The following ULK4 variants were observed in gnomAD, a reference collection of about 807,000 sequenced individuals.
The protein encoded by ULK4 is inactive serine/threonine-protein kinase ULK4.
Under a neutral mutation model 160.6 loss-of-function variants are expected in ULK4, and 133 were observed. The ratio of observed to expected loss-of-function variants is 0.83; its 90% CI spans 0.72 to 0.96. ULK4 has a LOEUF of 0.96. ULK4 is among the 40% of genes least tolerant of loss of function. The pLI is 0.00. For synonymous variants in ULK4, 534 were observed against 539.8 expected, an observed-to-expected ratio of 0.99 and a Z score of 0.15; for missense variants, 1,580 against 1,499.5, an observed-to-expected ratio of 1.05 and a Z score of -0.89.
chr3:41,307,127 A>G (rs1165944072), intron 35 of ULK4, among the ~76,000 whole-genome samples: 1 of 148,434 alleles, frequency 6.7e-6, no homozygotes, highest in Non-Finnish European at 1.5e-5. Flanking sequence ...TGTGAGAAAC[A>G]CCCAAGAATT....
intron 31 of ULK4, among the ~76,000 whole-genome samples, chr3:41,597,986 T>G (rs1018294997): frequency 2.6e-5 from 4 of 152,182 alleles, no homozygotes; most frequent in Non-Finnish European, 4.4e-5. Context: ...CTGAAAAAAC[T>G]CATTTCTAAG....
intron 27 of ULK4, among the ~76,000 whole-genome samples, chr3:41,703,846 AC>A (rs2036768487): frequency 7.0e-6 from 1 of 143,840 alleles, no homozygotes; most frequent in African/African-American, 2.5e-5. Flanking sequence ...ACACACACAC[AC>A]ACACACACAC....
chr3:41,747,577 C>G (rs757397174), intron 22 of ULK4, among the ~76,000 whole-genome samples: 1 of 152,084 alleles, frequency 6.6e-6, no homozygotes, highest in Non-Finnish European at 1.5e-5. Flanking sequence ...TATGTTGAAG[C>G]CCTAACCCTC....
At chr3:41,652,625 A>G (rs2034785311) in intron 30 of ULK4, among the ~76,000 whole-genome samples, 1 of 152,212 alleles carries the variant, frequency 6.6e-6, no homozygotes, top group Non-Finnish European at 1.5e-5. Flanking sequence ...TAGTTCCAAG[A>G]GCAACGCAGT....
At chr3:41,490,116 T>C (rs1245710610) in intron 32 of ULK4, among the ~76,000 whole-genome samples, 4 of 152,332 alleles carry the variant, frequency 2.6e-5, no homozygotes, top group Admixed American at 2.0e-4. Context: ...ATATTACAGT[T>C]CCTTTCTTGA....
intron 35 of ULK4, among the ~76,000 whole-genome samples, chr3:41,307,866 G>A (rs767770106): frequency 6.6e-6 from 1 of 152,020 alleles, no homozygotes; most frequent in Non-Finnish European, 1.5e-5. Context: ...TATAGCTAAA[G>A]TGGTAAGGAA....
chr3:41,957,949 C>CA (rs1367934973), intron 1 of ULK4, among the ~76,000 whole-genome samples: 1 of 150,554 alleles, frequency 6.6e-6, no homozygotes, highest in East Asian at 2.0e-4. Flanking sequence ...GAGACTGAGG[C>CA]AGGAGGATAG....
intron 18 of ULK4, among the ~76,000 whole-genome samples, chr3:41,829,460 C>A (rs1047252246): frequency 6.6e-6 from 1 of 151,504 alleles, no homozygotes; most frequent in Non-Finnish European, 1.5e-5. Context: ...AAAAAACAAA[C>A]AACCCCATCA....
At chr3:41,334,027 G>A (rs2080501572) in intron 35 of ULK4, among the ~76,000 whole-genome samples, 1 of 152,064 alleles carries the variant, frequency 6.6e-6, no homozygotes, top group African/African-American at 2.4e-5. Context: ...AAGTTCACAG[G>A]ACAGGATAAC....
chr3:41,605,896 G>A (rs1310797091), intron 31 of ULK4, among the ~76,000 whole-genome samples: 1 of 151,926 alleles, frequency 6.6e-6, no homozygotes, highest in Non-Finnish European at 1.5e-5. Flanking sequence ...TGCAAATAAT[G>A]CAAACTATGT....
At chr3:41,460,103 T>C (rs912274854) in intron 33 of ULK4, among the ~76,000 whole-genome samples, 5 of 152,140 alleles carry the variant, frequency 3.3e-5, no homozygotes, top group African/African-American at 9.7e-5. Context: ...CCCCCTAAAA[T>C]AGCCCCCAAC....
intron 17 of ULK4, among the ~76,000 whole-genome samples, chr3:41,878,190 T>A (rs1697380934): frequency 6.6e-6 from 1 of 151,682 alleles, no homozygotes; most frequent in South Asian, 2.1e-4. Flanking sequence ...AACTAGGGGT[T>A]GACTATTCCC....
chr3:41,915,729 A>T (rs1209453645), intron 8 of ULK4, among the ~76,000 whole-genome samples: 1 of 152,228 alleles, frequency 6.6e-6, no homozygotes, highest in Non-Finnish European at 1.5e-5. Flanking sequence ...ATGAAAAGAG[A>T]AACTGACTTC....
chr3:41,514,886 G>A (rs1258552687), intron 32 of ULK4, among the ~76,000 whole-genome samples: 1 of 152,046 alleles, frequency 6.6e-6, no homozygotes, highest in East Asian at 1.9e-4. Context: ...ATCTATGCAT[G>A]TTTACCCCCA....
At chr3:41,385,827 A>C (rs1168288547) in intron 35 of ULK4, among the ~76,000 whole-genome samples, 1 of 152,174 alleles carries the variant, frequency 6.6e-6, no homozygotes, top group South Asian at 2.1e-4. Context: ...CAGTACAAGT[A>C]GTTGACTGGA....
intron 35 of ULK4, among the ~76,000 whole-genome samples, chr3:41,356,596 A>T (rs1489100416): frequency 6.6e-6 from 1 of 151,988 alleles, no homozygotes; most frequent in Non-Finnish European, 1.5e-5. Flanking sequence ...TCTAAGATAT[A>T]TTTTTTTTAA....
chr3:41,386,429 A>C (rs78253180), intron 35 of ULK4, among the ~76,000 whole-genome samples: 1 of 152,140 alleles, frequency 6.6e-6, no homozygotes, highest in Non-Finnish European at 1.5e-5. Context: ...CCCAGGTATA[A>C]GGATTAGGAA....
intron 30 of ULK4, among the ~76,000 whole-genome samples, chr3:41,617,785 C>T (rs978157490): frequency 1.4e-4 from 21 of 152,124 alleles, no homozygotes; most frequent in African/African-American, 4.8e-4. Context: ...TACAAATTAA[C>T]AGAAGTAGGC....
intron 35 of ULK4, among the ~76,000 whole-genome samples, chr3:41,378,999 G>T (rs750780849): frequency 2.6e-5 from 4 of 151,878 alleles, no homozygotes; most frequent in Non-Finnish European, 5.9e-5. Context: ...AGTGGGAGCT[G>T]AACAATGAGA....
Sources: gnomAD v4.1 joint callset for allele counts (sites outside exome capture counted in the v4.1 genomes callset) on GRCh38, gnomAD v4.1.1 for gene constraint, MANE v1.5 for transcripts, NCBI Gene and HGNC (gene_info 2026-07-23, HGNC 2026-07-21) for gene names.